NEB: variants seen among roughly 807,000 people sequenced by gnomAD.
The protein encoded by NEB is nemaline myopathy type 2.
A neutral mutation model predicts 952.2 loss-of-function variants in NEB; 512 were observed. That is an observed-to-expected ratio of 0.54 (90% CI 0.50 to 0.58). NEB has a LOEUF of 0.58. NEB is among the 20% of genes least tolerant of loss of function. The pLI, the probability that NEB is intolerant of heterozygous loss-of-function variation, is 0.00. For synonymous variants in NEB, 2,900 were observed against 3,149.8 expected (o/e 0.92, Z 2.66); for missense variants, 8,428 against 9,231.1 (o/e 0.91, Z 3.56).
chr2:151,641,908 C>T (rs1172849488), intron 60 of NEB, among the ~76,000 whole-genome samples: 1 of 152,140 alleles, frequency 6.6e-6, no homozygotes, highest in Non-Finnish European at 1.5e-5. Context: ...TGGTGTGCTG[C>T]ACCCATTAAC....
chr2:151,534,195 G>T lies in NEB; in HGVS notation c.21313-649C>A, dbSNP rs374619990. 8 of 1,597,238 alleles carry T rather than the reference G, an allele frequency of 5.0e-6. No homozygotes were observed. Among genetic ancestry groups the T allele is most frequent in the Non-Finnish European group, 6.9e-6 (8 of 1,166,386 alleles). The stretch of plus-strand genomic sequence containing the variant: ...GGAGCACAGTCCTGCCTGGGCCACC[G>T]GCCAGCCCCATCACAGTACCTGACT... On this transcript the variant is annotated intron_variant, in intron 142 of 181. Transcript: ENST00000397345.
At chr2:151,678,223 A>T (rs750788902) in intron 32 of NEB, 36 bp from the exon 33 acceptor site, 1 of 1,375,334 alleles carries the variant, frequency 7.3e-7, no homozygotes, top group Non-Finnish European at 9.9e-7. Flanking sequence ...TTTAAAATGT[A>T]GTTTTGAGGG....
rs775698655 is a variant in NEB at position 151,492,175 on chromosome 2, A to G, written c.24980T>C (p.Ile8327Thr). Reference sequence around the variant, plus strand: ...TTTCCTCTGAATACCTCGGTAGTTAATGTCACTGAAGTCCTGCATGTTCTT... The same window carrying G: ...TTTCCTCTGAATACCTCGGTAGTTAGTGTCACTGAAGTCCTGCATGTTCTT... ...VKKNMQDFSD[I>T]NYRGIQRKVV... The change falls in exon 178 of 182, where the codon ATT (isoleucine) becomes ACT (threonine). Residue 8327 changes from isoleucine (I) to threonine (T), a missense_variant. Coordinates refer to ENST00000397345, the MANE Select transcript of NEB (RefSeq NM_001164508.2). 6.2e-7 allele frequency: 1 copy of G among 1,613,872 alleles called. No homozygotes were observed. The highest frequency in any genetic ancestry group is 8.5e-7 in the Non-Finnish European group (1 of 1,179,834).
chr2:151,619,059 TTAAAG>T (rs908501746), intron 73 of NEB, among the ~76,000 whole-genome samples: 4 of 152,200 alleles, frequency 2.6e-5, no homozygotes, highest in African/African-American at 4.8e-5. Flanking sequence ...AAAATGTAAA[TTAAAG>T]TAATTTAGCA....
intron 3 of NEB, among the ~76,000 whole-genome samples, chr2:151,731,204 T>C (rs1274951977): frequency 6.6e-6 from 1 of 152,192 alleles, no homozygotes; most frequent in Non-Finnish European, 1.5e-5. Flanking sequence ...TCACCATTGG[T>C]AAATCCATCT....
Position 151,724,443 on chromosome 2 carries a change from A to C in NEB, c.508-79T>G, listed in dbSNP as rs918270805. 8.4e-6 allele frequency: 9 copies of C among 1,070,042 alleles called. No individual in the cohort carries two copies. In the African/African-American group the frequency reaches 1.4e-4, roughly 17 times the overall value. 66.3% of individuals were successfully genotyped at this position (1,070,042 alleles called of 1,614,324 possible). ...GGATTTAAACAACAAAGGGAGACTCATGAAGGCATGCTTGCTCAGAGGTTG... is the reference window on the plus strand; with the variant it reads ...GGATTTAAACAACAAAGGGAGACTCCTGAAGGCATGCTTGCTCAGAGGTTG... On this transcript the variant is annotated intron_variant, in intron 7 of 181. Coordinates refer to ENST00000397345, the MANE Select transcript of NEB (RefSeq NM_001164508.2).
At chr2:151,498,123 G>GAA (rs1340276129) in intron 170 of NEB, 137 bp downstream of exon 170, 7 of 1,511,210 alleles carry the variant, frequency 4.6e-6, no homozygotes, top group Non-Finnish European at 6.2e-6. Flanking sequence ...ATAGAAATGG[G>GAA]AAAGTATATC....
intron 170 of NEB, chr2:151,498,027 T>C (rs978793774): frequency 6.9e-7 from 1 of 1,441,766 alleles, no homozygotes; most frequent in South Asian, 1.5e-5. Context: ...GGTGTTGTTA[T>C]CCACACAAAT....
intron 164 of NEB, 71 bp from the exon 165 acceptor site, chr2:151,505,641 T>C: frequency 1.5e-6 from 2 of 1,298,276 alleles, no homozygotes; most frequent in Middle Eastern, 2.1e-4. Context: ...AACATGTACA[T>C]GTTTTTTGTA....
Position 151,565,745 on chromosome 2 carries a change from C to T in NEB, c.18232G>A (p.Val6078Ile), listed in dbSNP as rs1553772072. ...CTCATCATTTCCTGGTTCTTAGTAACCCTTACATGGTCCACAGAATCCAGT... is the reference window on the plus strand; with the variant it reads ...CTCATCATTTCCTGGTTCTTAGTAATCCTTACATGGTCCACAGAATCCAGT... Reference protein sequence around the residue: ...IPLDSVDHVRVTKNQEMMSQI... With the variant: ...IPLDSVDHVRITKNQEMMSQI... Residue 6078 changes from valine (V) to isoleucine (I), a missense_variant, in exon 115 of 182, where the codon GTT becomes ATT. Transcript: ENST00000397345. 3.1e-6 allele frequency: 5 copies of T among 1,612,592 alleles called. No individual in the cohort carries two copies. Among genetic ancestry groups the T allele is most frequent in the Non-Finnish European group, 3.4e-6 (4 of 1,179,310 alleles).
At chr2:151,537,066 G>T in intron 141 of NEB, 66 bp downstream of exon 141, 2 of 971,306 alleles carry the variant, frequency 2.1e-6, no homozygotes, top group Non-Finnish European at 3.2e-6. Context: ...ATTTCTCAGT[G>T]CTAATTCTCT....
chr2:151,644,954 G>C (rs2098935089), intron 55 of NEB, among the ~76,000 whole-genome samples: 1 of 152,042 alleles, frequency 6.6e-6, no homozygotes, highest in Admixed American at 6.6e-5. Context: ...ATTCCTCCTA[G>C]GCTACAAACC....
rs756745218 is a variant in NEB, at chr2:151,640,450, C to T, written c.8590G>A (p.Asp2864Asn). Reference sequence around the variant, plus strand: ...TGCAGGTAGTTCTTGTAGTCCACATCGCTGACTAAGGTCTGGCACTTCTTG... The same window carrying T: ...TGCAGGTAGTTCTTGTAGTCCACATTGCTGACTAAGGTCTGGCACTTCTTG... ...LAKKCQTLVSDVDYKNYLHQW... is the reference protein window; with the variant it reads ...LAKKCQTLVSNVDYKNYLHQW... Residue 2864 changes from aspartate to asparagine, a missense_variant, in exon 61 of 182, where the codon GAT (aspartate) becomes AAT (asparagine). This residue lies in a region of NEB where 1,772 missense variants were observed against 1,960.3 expected (regional missense o/e 0.90). Coordinates refer to ENST00000397345, the MANE Select transcript of NEB (RefSeq NM_001164508.2). The T allele has an allele frequency of 5.6e-6, 9 of 1,613,956 alleles. No homozygotes were observed. In the East Asian group the frequency reaches 1.6e-4, roughly 28 times the overall value.
At chr2:151,498,824 T>A (rs1559237277) in intron 169 of NEB, among the ~76,000 whole-genome samples, 2 of 152,010 alleles carry the variant, frequency 1.3e-5, no homozygotes, top group Non-Finnish European at 2.9e-5. Flanking sequence ...AGTATTTAAT[T>A]TTTAGTTTGG....
At chr2:151,493,515 G>A in intron 175 of NEB, 70 bp from the exon 176 acceptor site, 1 of 1,007,426 alleles carries the variant, frequency 9.9e-7, no homozygotes, top group Non-Finnish European at 1.5e-6. Context: ...TCACTTAGCT[G>A]GTGTTATGGC....
chr2:151,492,289 G>A lies in NEB; in HGVS notation c.24874-8C>T, dbSNP rs200902944. On this transcript the variant is annotated splice_region_variant and splice_polypyrimidine_tract_variant and intron_variant, in intron 177 of 181. Coordinates refer to ENST00000397345, the MANE Select transcript of NEB (RefSeq NM_001164508.2). ...GTCTTCATGATATTTCACCTGAAAT[G>A]TCATGAATTTGCTTTATGAAAATAT... 366 of 1,607,394 alleles carry A rather than the reference G, an allele frequency of 2.3e-4. 1 individual carries two copies. In the African/African-American group the frequency reaches 4.3e-3, roughly 19 times the overall value.
At chr2:151,660,357 T>C (rs530297242) in intron 46 of NEB, among the ~76,000 whole-genome samples, 1 of 152,272 alleles carries the variant, frequency 6.6e-6, no homozygotes, top group South Asian at 2.1e-4. Context: ...CATATTCTTG[T>C]GTGTATGTAT....
intron 65 of NEB, among the ~76,000 whole-genome samples, chr2:151,633,124 G>C (rs1456468318): frequency 1.3e-5 from 2 of 152,298 alleles, no homozygotes; most frequent in East Asian, 3.9e-4. Flanking sequence ...CCAGATTTGA[G>C]ATAGTGTATC....
chr2:151,627,096 A>G lies in NEB; in HGVS notation c.10253T>C (p.Ile3418Thr). 6.2e-7 allele frequency: 1 copy of G among 1,613,906 alleles called. No homozygotes were observed. Reference sequence around the variant, plus strand: ...CAGCTTGTCCGGAGGCTGGCGGTAGATGTTATCACTCAGTATTTCAGCAGC... The same window carrying G: ...CAGCTTGTCCGGAGGCTGGCGGTAGGTGTTATCACTCAGTATTTCAGCAGC... ...KRAAEILSDNIYRQPPDKLKF... is the reference protein window; with the variant it reads ...KRAAEILSDNTYRQPPDKLKF... The change falls in exon 70 of 182, where the codon ATC becomes ACC. Residue 3418 changes from isoleucine (I) to threonine (T), a missense_variant. Ile to Thr is a moderately conservative substitution (Grantham distance 89, BLOSUM62 -1). Around this residue, in one of 11 missense-constraint regions of NEB, gnomAD observed 1,772 missense variants for 1,960.3 expected, o/e 0.90. Transcript: ENST00000397345.
Sources: gnomAD v4.1 joint callset for allele counts (sites outside exome capture counted in the v4.1 genomes callset) on GRCh38, gnomAD v4.1.1 for gene constraint, gnomAD v4.1.1 regional missense constraint, MANE v1.5 for transcripts, NCBI Gene and HGNC (gene_info 2026-07-23, HGNC 2026-07-21) for gene names.